The following GRIA2 variants were observed in gnomAD, a reference collection of about 807,000 sequenced individuals.
GRIA2 encodes the protein glutamate receptor 2.
A neutral mutation model predicts 97.3 loss-of-function variants in GRIA2; 14 were observed. The observed-to-expected ratio is 0.14, with a 90% CI of 0.10 to 0.23. The LOEUF (loss-of-function observed/expected upper bound fraction) is 0.23. Ranked by LOEUF, GRIA2 falls within the 10% of genes least tolerant of loss-of-function variation. GRIA2 has a pLI of 1.00. For missense variants in GRIA2, 558 were observed against 1,069.8 expected (o/e 0.52, Z 6.67); for synonymous variants, 412 against 387.8 (o/e 1.06, Z -0.73).
chr4:157,325,567 A>G (rs1296517610), intron 6 of GRIA2, among the ~76,000 whole-genome samples: 3 of 152,170 alleles, frequency 2.0e-5, no homozygotes, highest in East Asian at 3.9e-4. Context: ...AGGTTGTCTT[A>G]TTGCCATCTT....
At chr4:157,293,572 G>A (rs183865813) in intron 2 of GRIA2, among the ~76,000 whole-genome samples, 2 of 152,236 alleles carry the variant, frequency 1.3e-5, no homozygotes, top group Admixed American at 1.3e-4. Context: ...CTTCTGGGAA[G>A]AATAGTAAGC....
At chr4:157,318,850 A>G (rs923267140) in intron 5 of GRIA2, among the ~76,000 whole-genome samples, 3 of 152,188 alleles carry the variant, frequency 2.0e-5, no homozygotes, top group Admixed American at 1.3e-4. Flanking sequence ...AGCTTTTGAC[A>G]TATACAAATT....
At chr4:157,240,440 A>G (rs895632070) in intron 2 of GRIA2, among the ~76,000 whole-genome samples, 6 of 152,002 alleles carry the variant, frequency 3.9e-5, no homozygotes. Context: ...TTTTTCTTGC[A>G]CTGTGAACTT....
At chr4:157,257,172 T>G (rs1579309864) in intron 2 of GRIA2, among the ~76,000 whole-genome samples, 1 of 152,218 alleles carries the variant, frequency 6.6e-6, no homozygotes, top group African/African-American at 2.4e-5. Flanking sequence ...ACACAGAGGT[T>G]AACTTTCCTA....
chr4:157,259,671 T>C (rs920570630), intron 2 of GRIA2, among the ~76,000 whole-genome samples: 1 of 152,144 alleles, frequency 6.6e-6, no homozygotes, highest in Non-Finnish European at 1.5e-5. Flanking sequence ...TTCCTGTCCA[T>C]TTTGTTTACT....
intron 2 of GRIA2, among the ~76,000 whole-genome samples, chr4:157,264,260 C>T (rs896738993): frequency 1.3e-5 from 2 of 152,162 alleles, no homozygotes; most frequent in African/African-American, 4.8e-5. Context: ...TGAAATTAGT[C>T]TCAGTGGGCT....
At chr4:157,358,462 C>T (rs574860384) in intron 12 of GRIA2, among the ~76,000 whole-genome samples, 3 of 152,094 alleles carry the variant, frequency 2.0e-5, no homozygotes, top group African/African-American at 4.8e-5. Context: ...AAATCTGAAG[C>T]GGCATTGTTT....
At position 157,332,995 on chromosome 4, in the gene GRIA2, C is replaced by A; in HGVS notation, c.1050+9C>A. On this transcript the variant is annotated intron_variant, in intron 7 of 15. Transcript: ENST00000264426. ...AAAGGGCCCTCAAACAGGTCAGTTACTCAAAATAATCGTTAACGTGACTTA... is the reference window on the plus strand; with the variant it reads ...AAAGGGCCCTCAAACAGGTCAGTTAATCAAAATAATCGTTAACGTGACTTA... 1 of 1,586,378 alleles carries A rather than the reference C, an allele frequency of 6.3e-7. No homozygotes were observed. Among genetic ancestry groups the A allele is most frequent in the Non-Finnish European group, 8.6e-7 (1 of 1,166,826 alleles).
chr4:157,340,049 T>A (rs1329607694), intron 11 of GRIA2, among the ~76,000 whole-genome samples: 1 of 151,892 alleles, frequency 6.6e-6, no homozygotes, highest in East Asian at 1.9e-4. Flanking sequence ...TGTTTTTATA[T>A]CAAAAAACTT....
At chr4:157,275,845 GATGTGGGCTCTT>G (rs1306408582) in intron 2 of GRIA2, among the ~76,000 whole-genome samples, 31 of 152,004 alleles carry the variant, frequency 2.0e-4, no homozygotes, top group Non-Finnish European at 3.8e-4. Flanking sequence ...TTGACTTGGC[GATGTGGGCTCTT>G]TTTTGGTTCC....
rs139855745 is a variant in GRIA2, at chr4:157,227,730, T to A, written c.229+5923T>A. 3.9e-5 allele frequency among the ~76,000 whole-genome samples: 6 copies of A among 152,338 alleles called. No individual in the cohort carries two copies. The South Asian group carries it at 8.3e-4, about 21-fold the overall frequency. ...GATACCCCAGATTTCATTAAGTGTT[T>A]GCTCTTTTATTATTATAGCAATTTT... On this transcript the variant is annotated intron_variant, in intron 2 of 15. Coordinates refer to ENST00000264426, the MANE Select transcript of GRIA2 (RefSeq NM_001083619.3).
intron 11 of GRIA2, among the ~76,000 whole-genome samples, chr4:157,339,761 T>A (rs1735467456): frequency 6.6e-6 from 1 of 151,960 alleles, no homozygotes; most frequent in Non-Finnish European, 1.5e-5. Context: ...TCTGCGCTCT[T>A]AAATATATGA....
At chr4:157,281,587 A>G (rs1732599460) in intron 2 of GRIA2, among the ~76,000 whole-genome samples, 1 of 152,138 alleles carries the variant, frequency 6.6e-6, no homozygotes, top group African/African-American at 2.4e-5. Flanking sequence ...CTCTGTGACA[A>G]TACCCTTAAT....
Position 157,311,311 on chromosome 4 carries a change from C to T in GRIA2, c.470-1368C>T, listed in dbSNP as rs565362148. On this transcript the variant is annotated intron_variant, in intron 3 of 15. Transcript: ENST00000264426. Reference sequence around the variant, plus strand: ...AAACAGTTTATGTATTTAAGTATTTCGCATTTATTATTCTAATTAATATTC... The same window carrying T: ...AAACAGTTTATGTATTTAAGTATTTTGCATTTATTATTCTAATTAATATTC... 3.4e-4 allele frequency among the ~76,000 whole-genome samples: 51 copies of T among 152,052 alleles called. 1 individual carries two copies. Among genetic ancestry groups the T allele is most frequent in the Non-Finnish European group, 6.6e-4 (45 of 67,888 alleles).
At chr4:157,331,874 A>T (rs1310473372) in intron 6 of GRIA2, among the ~76,000 whole-genome samples, 3 of 152,074 alleles carry the variant, frequency 2.0e-5, no homozygotes, top group Non-Finnish European at 4.4e-5. Flanking sequence ...GGGAATGCTG[A>T]GTACCTGTTT....
At chr4:157,281,618 TAATATATTTTGTAA>T (rs1432013015) in intron 2 of GRIA2, among the ~76,000 whole-genome samples, 1 of 152,158 alleles carries the variant, frequency 6.6e-6, no homozygotes, top group Non-Finnish European at 1.5e-5. Flanking sequence ...TATTATTTTG[TAATATATTTTGTAA>T]AATATATTTT....
At position 157,361,723 on chromosome 4, in the gene GRIA2, T is replaced by C. The variant is rs1736639545; in HGVS notation, c.2406+599T>C. On this transcript the variant is annotated intron_variant, in intron 14 of 15. Transcript: ENST00000264426. This position sits in a 1 kb window ranked among gnomAD's most constrained non-coding sequence, Gnocchi z 5.2. ...ACAGCAAAATCAAACCACAAGTGTGTTAGTGGGAATGACCCATCTTAAATA... is the reference window on the plus strand; with the variant it reads ...ACAGCAAAATCAAACCACAAGTGTGCTAGTGGGAATGACCCATCTTAAATA... 1.0e-6 allele frequency: 1 copy of C among 1,001,222 alleles called. No individual in the cohort carries two copies. The highest frequency in any genetic ancestry group is 1.6e-5 in the African/African-American group (1 of 62,412). The allele number at this position is 1,001,222 out of a possible 1,614,324, so 62.0% of individuals were successfully genotyped here. A position where few individuals can be genotyped will look rare whatever the true frequency, so the allele number is the denominator to read the frequency against.
chr4:157,264,600 G>A (rs746645019), intron 2 of GRIA2, among the ~76,000 whole-genome samples: 1 of 151,890 alleles, frequency 6.6e-6, no homozygotes, highest in African/African-American at 2.4e-5. Context: ...ATATAACCTA[G>A]CATATTCACA....
At chr4:157,313,015 A>G (rs1351105378) in intron 4 of GRIA2, 140 bp downstream of exon 4, 1 of 473,526 alleles carries the variant, frequency 2.1e-6, no homozygotes. Context: ...AAGATCATCA[A>G]TTAAATTATC....
Sources: allele counts gnomAD v4.1 joint callset (sites outside exome capture counted in the v4.1 genomes callset), GRCh38; gene constraint gnomAD v4.1.1; non-coding constraint Gnocchi (gnomAD v3.1); transcripts MANE v1.5; gene names NCBI Gene and HGNC (gene_info 2026-07-23, HGNC 2026-07-21).